Variants in AGAP3 observed in about 807,000 individuals in gnomAD.
AGAP3 encodes ArfGAP with GTPase domain, ankyrin repeat and PH domain 3.
Under a neutral mutation model 96.9 loss-of-function variants are expected in AGAP3, and 24 were observed. The observed-to-expected ratio is 0.25, with a 90% confidence interval of 0.18 to 0.35. The LOEUF is 0.35. Among genes scored for constraint, AGAP3 ranks in the 10% least tolerant of loss-of-function variants. AGAP3 has a pLI of 1.00. For synonymous variants in AGAP3, 563 were observed against 536.1 expected (o/e 1.05, Z -0.69); for missense variants, 876 against 1,254.2 (o/e 0.70, Z 4.55).
intron 1 of AGAP3, chr7:151,115,134 C>A: frequency 9.6e-7 from 1 of 1,040,704 alleles, no homozygotes; most frequent in South Asian, 3.2e-5. Flanking sequence ...GACTCCGCGG[C>A]CCCGGCCGGC....
intron 9 of AGAP3, among the ~76,000 whole-genome samples, chr7:151,126,499 C>T (rs1344598985): frequency 1.8e-5 from 1 of 55,694 alleles, no homozygotes; most frequent in Non-Finnish European, 3.3e-5. Flanking sequence ...GGAGTCGGGA[C>T]GGGGGCGGGG....
At chr7:151,120,870 C>T in intron 8 of AGAP3, 3 of 1,140,996 alleles carry the variant, frequency 2.6e-6, no homozygotes, top group Middle Eastern at 4.0e-4. Context: ...GGCCTGCTGT[C>T]TCTCCACTCC....
At position 151,118,914 on chromosome 7, in the gene AGAP3, G is replaced by A. The variant is rs899690848; in HGVS notation, c.969+282G>A. 6.6e-6 allele frequency among the ~76,000 whole-genome samples: 1 copy of A among 152,166 alleles called. No individual in the cohort carries two copies. Among genetic ancestry groups the A allele is most frequent in the African/African-American group, 2.4e-5 (1 of 41,448 alleles). ...TGCATTCCCTACCCCGATGCCCTCT[G>A]CTGAAAGTCCTGGGCCATCCACAGG... On this transcript the variant is annotated intron_variant, in intron 7 of 17. Transcript: ENST00000397238. The surrounding 1 kb of genome is among the most constrained non-coding windows in gnomAD (Gnocchi z 6.1).
At chr7:151,134,644 C>G in intron 11 of AGAP3, 76 bp downstream of exon 11, 1 of 1,441,388 alleles carries the variant, frequency 6.9e-7, no homozygotes, top group South Asian at 1.3e-5. Context: ...CTGGGCTTGG[C>G]TGCTTCTCAG....
In AGAP3 at chr7:151,120,162, C is replaced by A. The variant is rs772403579; in HGVS notation, c.1128+17C>A. The A allele has an allele frequency of 6.3e-7, 1 of 1,576,190 alleles. No individual in the cohort carries two copies. The highest frequency in any genetic ancestry group is 2.3e-5 in the East Asian group (1 of 44,288). ...ATCTTCACGGTACGTGACTGCCCTC[C>A]TCCCCCGCCCAGCTGCCTTTGCTGC... On this transcript the variant is annotated intron_variant, in intron 8 of 17. Transcript: ENST00000397238.
chr7:151,120,672 G>T (rs1023355443), intron 8 of AGAP3: 4 of 1,269,032 alleles, frequency 3.2e-6, no homozygotes, highest in Non-Finnish European at 3.1e-6. Context: ...TCCACCCACC[G>T]CTGTGATTGG....
chr7:151,123,831 C>T lies in AGAP3; in HGVS notation c.1166C>T (p.Ala389Val). 1.2e-6 allele frequency: 2 copies of T among 1,612,676 alleles called. No homozygotes were observed. ...KGADLDREKK[A>V]AECKVDSIGS... ...GCTGACCTGGACCGGGAGAAGAAGG[C>T]TGCCGAGTGCAAGGTGGACAGCATC... is the stretch of plus-strand genomic sequence containing the variant. The change falls in exon 9 of 18, where the codon GCT becomes GTT. Residue 389 changes from alanine to valine, a missense_variant. Ala to Val is a moderately conservative substitution (Grantham distance 64, BLOSUM62 0). Coordinates refer to ENST00000397238, the MANE Select transcript of AGAP3 (RefSeq NM_031946.7).
Position 151,141,927 on chromosome 7 carries a change from G to A in AGAP3, c.1834G>A (p.Val612Met). 12 of 1,614,182 alleles carry A rather than the reference G, an allele frequency of 7.4e-6. No individual in the cohort carries two copies. Among genetic ancestry groups the A allele is most frequent in the Non-Finnish European group, 1.0e-5 (12 of 1,180,028 alleles). The change falls in exon 14 of 18, where the codon GTG becomes ATG. Residue 612 changes from valine (V) to methionine (M), a missense_variant. Val to Met is a conservative substitution (Grantham distance 21). This residue lies in a region of AGAP3 where 103 missense variants were observed against 183.0 expected (regional missense o/e 0.56). Coordinates refer to ENST00000397238, the MANE Select transcript of AGAP3 (RefSeq NM_031946.7). This position sits in a 1 kb window ranked among gnomAD's most constrained non-coding sequence, Gnocchi z 4.2. ...EAEESFEFVV[V>M]SLTGQTWHFE... ...AGAGGAGTCGTTTGAATTTGTGGTG[G>A]TGTCCCTCACTGGGCAGACGTGGCA...
chr7:151,115,304 GC>G, intron 1 of AGAP3: 1 of 1,005,780 alleles, frequency 9.9e-7, no homozygotes, highest in East Asian at 9.8e-5. Context: ...GGCCGGAGGG[GC>G]CCCGGCGCGG....
Position 151,143,537 on chromosome 7 carries a change from A to G in AGAP3, c.2470A>G (p.Thr824Ala), listed in dbSNP as rs1013286732. Reference sequence around the variant, plus strand: ...GACCTATGGGGACGGGGACGGGCGGACGGCTCTACATCTCTCCAGTGCCAT... The same window carrying G: ...GACCTATGGGGACGGGGACGGGCGGGCGGCTCTACATCTCTCCAGTGCCAT... ...NETYGDGDGRTALHLSSAMAN... is the reference protein window; with the variant it reads ...NETYGDGDGRAALHLSSAMAN... Residue 824 changes from threonine (T) to alanine (A), a missense_variant, in exon 17 of 18, where the codon ACG (threonine) becomes GCG (alanine). Around this residue, in one of 8 missense-constraint regions of AGAP3, gnomAD observed 213 missense variants for 253.8 expected, o/e 0.84. Transcript: ENST00000397238. The surrounding 1 kb of genome is among the most constrained non-coding windows in gnomAD (Gnocchi z 5.9). 1.2e-6 allele frequency: 2 copies of G among 1,613,746 alleles called. No homozygotes were observed. The highest frequency in any genetic ancestry group is 1.7e-6 in the Non-Finnish European group (2 of 1,179,886).
intron 1 of AGAP3, among the ~76,000 whole-genome samples, chr7:151,101,972 C>T (rs1029805076): frequency 5.9e-5 from 9 of 152,154 alleles, no homozygotes; most frequent in African/African-American, 9.7e-5. Flanking sequence ...GCCATGAGCC[C>T]TTCCTTCCCA....
At chr7:151,117,867 C>A in intron 5 of AGAP3, 90 bp downstream of exon 5, 1 of 1,468,926 alleles carries the variant, frequency 6.8e-7, no homozygotes, top group Admixed American at 2.5e-5. Flanking sequence ...TGAGAAAGCC[C>A]CCAAGCCCCT....
intron 1 of AGAP3, among the ~76,000 whole-genome samples, chr7:151,116,055 C>T (rs561660562): frequency 6.6e-6 from 1 of 152,210 alleles, no homozygotes; most frequent in Non-Finnish European, 1.5e-5. Flanking sequence ...TGCTGCCCAG[C>T]TAGAGAGGGG....
intron 1 of AGAP3, among the ~76,000 whole-genome samples, chr7:151,088,272 CTT>C (rs900923350): frequency 2.6e-5 from 4 of 152,236 alleles, no homozygotes; most frequent in African/African-American, 9.6e-5. Context: ...TGGGTTCTAT[CTT>C]TTGTTGTGAC....
At position 151,133,476 on chromosome 7, in the gene AGAP3, G is replaced by A. The variant is rs142444125; in HGVS notation, c.1327-924G>A. On this transcript the variant is annotated intron_variant, in intron 10 of 17. Transcript: ENST00000397238. This position sits in a 1 kb window ranked among gnomAD's most constrained non-coding sequence, Gnocchi z 5.4. ...CGTGGTGCTCCCTAAATGATGGGGGGAGTCCAAGCACAAAGTGGCCCCCCA... is the reference window on the plus strand; with the variant it reads ...CGTGGTGCTCCCTAAATGATGGGGGAAGTCCAAGCACAAAGTGGCCCCCCA... 5.5e-3 allele frequency among the ~76,000 whole-genome samples: 834 copies of A among 152,270 alleles called. 9 individuals are homozygous for A. Among genetic ancestry groups the A allele is most frequent in the African/African-American group, 0.019 (782 of 41,548 alleles).
chr7:151,116,941 T>C, intron 2 of AGAP3, 90 bp downstream of exon 2: 1 of 1,563,144 alleles, frequency 6.4e-7, no homozygotes, highest in Non-Finnish European at 8.8e-7. Context: ...CTCCGGCTTC[T>C]GTCCCCTTCT....
At position 151,143,535 on chromosome 7, in the gene AGAP3, G is replaced by A; in HGVS notation, c.2468G>A (p.Arg823Gln). 6 of 1,613,890 alleles carry A rather than the reference G, an allele frequency of 3.7e-6. No individual in the cohort carries two copies. The highest frequency in any genetic ancestry group is 4.2e-6 in the Non-Finnish European group (5 of 1,179,890). The part of the protein sequence containing the change: ...VNETYGDGDG[R>Q]TALHLSSAMA... ...GAGACCTATGGGGACGGGGACGGGC[G>A]GACGGCTCTACATCTCTCCAGTGCC... The change falls in exon 17 of 18, where the codon CGG becomes CAG. Residue 823 changes from arginine to glutamine, a missense_variant. Physicochemically the swap from Arg to Gln is conservative, Grantham distance 43. Coordinates refer to ENST00000397238, the MANE Select transcript of AGAP3 (RefSeq NM_031946.7). The surrounding 1 kb of genome is among the most constrained non-coding windows in gnomAD (Gnocchi z 5.9).
chr7:151,117,174 C>G lies in AGAP3; in HGVS notation c.470C>G (p.Ser157Cys). The change falls in exon 3 of 18, where the codon TCC becomes TGC. Residue 157 changes from serine (S) to cysteine (C), a missense_variant. Ser to Cys is a moderately radical substitution (Grantham distance 112). Coordinates refer to ENST00000397238, the MANE Select transcript of AGAP3 (RefSeq NM_031946.7). ...ACGGGGACCTATGTCCAGGAGGAGT[C>G]CCCTGAAGGTGAGCGTCACAGGCCC... ...YLTGTYVQEE[S>C]PEGGRFKKEI... The G allele has an allele frequency of 6.2e-7, 1 of 1,613,506 alleles. No homozygotes were observed. Among genetic ancestry groups the G allele is most frequent in the Non-Finnish European group, 8.5e-7 (1 of 1,179,536 alleles).
rs2150540246 is a variant in AGAP3 at position 151,143,222 on chromosome 7, TCTCA to T, written c.2274-116_2274-113del. ...TTCCTTTTTGCTCCATCTCATCTTC[TCTCA>T]CTGTTTCTTCCTTGTTCCCCCGGGT... On this transcript the variant is annotated intron_variant, in intron 16 of 17. Transcript: ENST00000397238. This position sits in a 1 kb window ranked among gnomAD's most constrained non-coding sequence, Gnocchi z 5.9. The T allele has an allele frequency of 1.6e-6, 2 of 1,270,678 alleles. No homozygotes were observed. Among genetic ancestry groups the T allele is most frequent in the East Asian group, 2.4e-5 (1 of 42,040 alleles). 78.7% of individuals were successfully genotyped at this position (1,270,678 alleles called of 1,614,324 possible). A position where few individuals can be genotyped will look rare whatever the true frequency, so the allele number is the denominator to read the frequency against.
Sources: gnomAD v4.1 joint callset for allele counts (sites outside exome capture counted in the v4.1 genomes callset) on GRCh38, gnomAD v4.1.1 for gene constraint, gnomAD v4.1.1 regional missense constraint, Gnocchi (gnomAD v3.1) non-coding constraint, MANE v1.5 for transcripts, NCBI Gene and HGNC (gene_info 2026-07-23, HGNC 2026-07-21) for gene names.